DOCK4: variants seen among roughly 807,000 people sequenced by gnomAD.
DOCK4 encodes dedicator of cytokinesis 4, also known as dedicator of cytokinesis protein 4.
A neutral mutation model predicts 268.1 loss-of-function variants in DOCK4; 97 were observed. That is an observed-to-expected ratio of 0.36 (90% CI 0.31 to 0.43). The LOEUF is 0.43. Among genes scored for constraint, DOCK4 ranks in the 20% least tolerant of loss-of-function variants. The probability of loss-of-function intolerance (pLI) is 1.00; values close to 1 mark genes in which losing one functional copy is unlikely to be tolerated. For synonymous variants in DOCK4, 954 were observed against 887.2 expected, an observed-to-expected ratio of 1.08 and a Z score of -1.34; for missense variants, 2,145 against 2,455.7, an observed-to-expected ratio of 0.87 and a Z score of 2.67.
At chr7:112,171,952 C>T (rs12705813) in intron 1 of DOCK4, among the ~76,000 whole-genome samples, 74,407 of 151,986 alleles carry the variant, frequency 0.49, 21,130 homozygotes, top group East Asian at 0.73. Flanking sequence ...CATGGTCCTC[C>T]CTCTGTGCAC....
chr7:112,145,040 A>C (rs776073512), intron 1 of DOCK4, among the ~76,000 whole-genome samples: 9 of 152,144 alleles, frequency 5.9e-5, no homozygotes, highest in Admixed American at 5.9e-4. Flanking sequence ...AGCACTCCCT[A>C]TATGATGAAA....
intron 1 of DOCK4, among the ~76,000 whole-genome samples, chr7:112,120,639 C>T (rs1812648806): frequency 6.6e-6 from 1 of 152,040 alleles, no homozygotes; most frequent in South Asian, 2.1e-4. Context: ...ATACAGACTT[C>T]AATATACATA....
At chr7:112,124,931 C>A (rs1226235999) in intron 1 of DOCK4, among the ~76,000 whole-genome samples, 1 of 152,102 alleles carries the variant, frequency 6.6e-6, no homozygotes, top group African/African-American at 2.4e-5. Context: ...AAATAACAGA[C>A]TTAGATGAGA....
chr7:111,840,896 A>C, intron 25 of DOCK4: 1 of 1,271,520 alleles, frequency 7.9e-7, no homozygotes, highest in Non-Finnish European at 1.1e-6. Context: ...AAAGAAATTC[A>C]ACAGATCTTC....
At chr7:111,829,026 T>G (rs1464680075) in intron 26 of DOCK4, among the ~76,000 whole-genome samples, 2 of 151,846 alleles carry the variant, frequency 1.3e-5, no homozygotes, top group Non-Finnish European at 2.9e-5. Flanking sequence ...CTTTATCACT[T>G]TTTAAAACAG....
intron 2 of DOCK4, among the ~76,000 whole-genome samples, chr7:112,002,120 C>G (rs1325623596): frequency 6.6e-6 from 1 of 151,976 alleles, no homozygotes; most frequent in Non-Finnish European, 1.5e-5. Context: ...AAACATTTTT[C>G]CTCCTCATAA....
chr7:112,147,143 G>T (rs1815587813), intron 1 of DOCK4, among the ~76,000 whole-genome samples: 1 of 152,058 alleles, frequency 6.6e-6, no homozygotes, highest in Non-Finnish European at 1.5e-5. Context: ...TATAGATATT[G>T]TATTGTACCT....
intron 20 of DOCK4, among the ~76,000 whole-genome samples, chr7:111,871,366 GGCACTA>G (rs1806416860): frequency 1.3e-5 from 2 of 152,208 alleles, no homozygotes; most frequent in African/African-American, 4.8e-5. Flanking sequence ...AGAGGAGGCA[GGCACTA>G]GCCAAAGCAT....
chr7:111,741,377 G>C (rs1417335410), intron 46 of DOCK4, among the ~76,000 whole-genome samples, 163 bp from the exon 47 acceptor site: 1 of 152,204 alleles, frequency 6.6e-6, no homozygotes, highest in Non-Finnish European at 1.5e-5. Context: ...TTCTCATGCT[G>C]TTGCTGTTTT....
At chr7:111,742,235 G>A in intron 44 of DOCK4, 103 bp from the exon 45 acceptor site, 1 of 1,203,844 alleles carries the variant, frequency 8.3e-7, no homozygotes, top group Non-Finnish European at 1.1e-6. Flanking sequence ...TTGCATTATT[G>A]CTAATCCTCT....
At chr7:112,138,596 A>G (rs1236182339) in intron 1 of DOCK4, among the ~76,000 whole-genome samples, 1 of 152,076 alleles carries the variant, frequency 6.6e-6, no homozygotes, top group Non-Finnish European at 1.5e-5. Flanking sequence ...TCCCAATTCC[A>G]GGAAGTCAGA....
At chr7:112,089,702 C>T (rs1422940467) in intron 1 of DOCK4, among the ~76,000 whole-genome samples, 1 of 151,956 alleles carries the variant, frequency 6.6e-6, no homozygotes, top group Non-Finnish European at 1.5e-5. Context: ...CTCATGAGAT[C>T]TGGTTGTTTA....
chr7:112,124,544 A>G (rs1354515209), intron 1 of DOCK4, among the ~76,000 whole-genome samples: 1 of 152,246 alleles, frequency 6.6e-6, no homozygotes, highest in Admixed American at 6.5e-5. Context: ...AGTGTAATAC[A>G]GGAAAGAACA....
chr7:111,777,088 G>A lies in DOCK4; in HGVS notation c.3679+1188C>T, dbSNP rs1798491839. Among the ~76,000 whole-genome samples, 4 of 152,124 alleles carry A rather than the reference G, an allele frequency of 2.6e-5. No individual in the cohort carries two copies. In the South Asian group the frequency reaches 8.3e-4, roughly 31 times the overall value. ...CCTGCCTTGGCCTCCCTAAGTGCTG[G>A]GATTACAGGCATGAGCCACCACGTC... On this transcript the variant is annotated intron_variant, in intron 36 of 52. Coordinates refer to ENST00000428084, the MANE Select transcript of DOCK4 (RefSeq NM_001363540.2).
At chr7:111,925,705 T>C (rs531279456) in intron 12 of DOCK4, among the ~76,000 whole-genome samples, 2 of 152,198 alleles carry the variant, frequency 1.3e-5, no homozygotes, top group Non-Finnish European at 2.9e-5. Flanking sequence ...CAGAGCTAGA[T>C]ACTTACGCTA....
intron 1 of DOCK4, among the ~76,000 whole-genome samples, chr7:112,137,309 C>A (rs963978009): frequency 1.3e-5 from 2 of 152,310 alleles, no homozygotes; most frequent in African/African-American, 4.8e-5. Context: ...CCAGTCTCAG[C>A]ACCTGCACAA....
At chr7:111,911,004 T>G (rs1792049380) in intron 13 of DOCK4, among the ~76,000 whole-genome samples, 1 of 152,230 alleles carries the variant, frequency 6.6e-6, no homozygotes, top group African/African-American at 2.4e-5. Context: ...TGGCATTGAT[T>G]ACATTCTGTG....
chr7:111,776,274 T>C (rs905537993), intron 36 of DOCK4, among the ~76,000 whole-genome samples: 1 of 152,182 alleles, frequency 6.6e-6, no homozygotes, highest in Non-Finnish European at 1.5e-5. Flanking sequence ...ATCATAACCA[T>C]GCTCCATGAA....
chr7:112,061,888 G>A (rs1806444123), intron 1 of DOCK4, among the ~76,000 whole-genome samples: 1 of 152,070 alleles, frequency 6.6e-6, no homozygotes, highest in African/African-American at 2.4e-5. Flanking sequence ...AATAGCAGTG[G>A]TAATGGAAAT....
Sources: allele counts gnomAD v4.1 joint callset (sites outside exome capture counted in the v4.1 genomes callset), GRCh38; gene constraint gnomAD v4.1.1; transcripts MANE v1.5; gene names NCBI Gene and HGNC (gene_info 2026-07-23, HGNC 2026-07-21).